The following IGSF21 variants were observed in gnomAD, a reference collection of about 807,000 sequenced individuals.
IGSF21 encodes the protein immunoglobulin superfamily member 21.
A neutral mutation model predicts 46.8 loss-of-function variants in IGSF21; 28 were observed. The ratio of observed to expected loss-of-function variants is 0.60; its 90% CI spans 0.44 to 0.82. The LOEUF is 0.82. Among genes scored for constraint, IGSF21 ranks in the 40% least tolerant of loss-of-function variants. IGSF21 has a pLI of 0.00. For synonymous variants in IGSF21, 284 were observed against 273.6 expected (o/e 1.04, Z -0.38); for missense variants, 624 against 665.5 (o/e 0.94, Z 0.69).
chr1:18,367,489 A>G (rs866644992), intron 6 of IGSF21, among the ~76,000 whole-genome samples: 4 of 151,682 alleles, frequency 2.6e-5, no homozygotes, highest in Admixed American at 6.6e-5. Context: ...TTCTTCACTC[A>G]CTACCATGCC....
At chr1:18,191,253 C>T (rs1301555981) in intron 1 of IGSF21, among the ~76,000 whole-genome samples, 1 of 152,106 alleles carries the variant, frequency 6.6e-6, no homozygotes, top group Non-Finnish European at 1.5e-5. Context: ...CCTCAAGTGT[C>T]CAATAGGAAT....
At chr1:18,169,314 A>G (rs995263249) in intron 1 of IGSF21, among the ~76,000 whole-genome samples, 20 of 152,270 alleles carry the variant, frequency 1.3e-4, no homozygotes, top group African/African-American at 4.3e-4. Context: ...GGAACTGGGA[A>G]GTGGGGCCCC....
At chr1:18,153,271 G>T (rs181602942) in intron 1 of IGSF21, among the ~76,000 whole-genome samples, 1 of 152,234 alleles carries the variant, frequency 6.6e-6, no homozygotes, top group Non-Finnish European at 1.5e-5. Context: ...GTTATAGATG[G>T]TTTTGTCCTC....
At chr1:18,240,110 T>C (rs984538100) in intron 2 of IGSF21, among the ~76,000 whole-genome samples, 1 of 152,028 alleles carries the variant, frequency 6.6e-6, no homozygotes, top group Non-Finnish European at 1.5e-5. Context: ...AAACCCCATC[T>C]CTATAAAAAC....
At chr1:18,277,386 C>A (rs981834240) in intron 2 of IGSF21, among the ~76,000 whole-genome samples, 1 of 152,172 alleles carries the variant, frequency 6.6e-6, no homozygotes, top group Non-Finnish European at 1.5e-5. Flanking sequence ...TCTGTGCCTG[C>A]GTGGGGCCTT....
intron 1 of IGSF21, among the ~76,000 whole-genome samples, chr1:18,225,129 A>ACACACACACACACAC (rs1491338920): frequency 1.7e-4 from 24 of 143,786 alleles, no homozygotes; most frequent in Non-Finnish European, 2.5e-4. Flanking sequence ...ACACACACAC[A>ACACACACACACACAC]AAGAAATCAT....
chr1:18,180,291 G>A (rs945764382), intron 1 of IGSF21, among the ~76,000 whole-genome samples: 2 of 152,190 alleles, frequency 1.3e-5, no homozygotes, highest in East Asian at 1.9e-4. Flanking sequence ...CTGCCATGCA[G>A]GGTGCTCAAA....
chr1:18,321,394 G>T (rs1034857607), intron 3 of IGSF21, among the ~76,000 whole-genome samples: 1 of 152,106 alleles, frequency 6.6e-6, no homozygotes, highest in Non-Finnish European at 1.5e-5. Flanking sequence ...CAGAAGCCTC[G>T]GCCTCTCTGT....
At chr1:18,210,130 C>T (rs2084374515) in intron 1 of IGSF21, among the ~76,000 whole-genome samples, 1 of 152,150 alleles carries the variant, frequency 6.6e-6, no homozygotes, top group Non-Finnish European at 1.5e-5. Flanking sequence ...TGATGTTTCT[C>T]TTGCTGGATG....
intron 1 of IGSF21, among the ~76,000 whole-genome samples, chr1:18,154,492 CT>C (rs2086550856): frequency 6.6e-6 from 1 of 152,086 alleles, no homozygotes; most frequent in Admixed American, 6.5e-5. Flanking sequence ...CCTGTCACCC[CT>C]GACCCTGTGC....
chr1:18,127,328 G>A (rs2086282440), intron 1 of IGSF21, among the ~76,000 whole-genome samples: 1 of 152,208 alleles, frequency 6.6e-6, no homozygotes, highest in Admixed American at 6.5e-5. Context: ...GGACTCGGGA[G>A]CAGAGCAGCT....
intron 2 of IGSF21, among the ~76,000 whole-genome samples, chr1:18,287,298 A>AG (rs1383159370): frequency 6.6e-6 from 1 of 152,080 alleles, no homozygotes; most frequent in Non-Finnish European, 1.5e-5. Context: ...TGGGAGGCTG[A>AG]GGCAGGAGAA....
At chr1:18,251,318 G>C (rs2084839306) in intron 2 of IGSF21, among the ~76,000 whole-genome samples, 1 of 152,160 alleles carries the variant, frequency 6.6e-6, no homozygotes, top group Non-Finnish European at 1.5e-5. Flanking sequence ...GAGTGTGCTA[G>C]TCAGGAGAGC....
At chr1:18,310,119 G>A (rs769410882) in intron 3 of IGSF21, among the ~76,000 whole-genome samples, 2 of 152,214 alleles carry the variant, frequency 1.3e-5, no homozygotes, top group Non-Finnish European at 2.9e-5. Context: ...CATGAAGGCT[G>A]ACAGAACCAA....
At position 18,228,055 on chromosome 1, in the gene IGSF21, G is replaced by C. The variant is rs374970359; in HGVS notation, c.183+45G>C. ...CCCTTCATGCCCATGGCCAGGACTG[G>C]TGTGAGGTCCTCAGAGCCCTCTGGA... On this transcript the variant is annotated intron_variant, in intron 2 of 9. Coordinates refer to ENST00000251296, the MANE Select transcript of IGSF21 (RefSeq NM_032880.5). 7.2e-5 allele frequency: 104 copies of C among 1,452,082 alleles called. No individual in the cohort carries two copies. In the African/African-American group the frequency reaches 1.4e-3, roughly 19 times the overall value. 89.9% of individuals were successfully genotyped at this position (1,452,082 alleles called of 1,614,324 possible). A position where few individuals can be genotyped will look rare whatever the true frequency, so the allele number is the denominator to read the frequency against.
At chr1:18,263,385 CA>C (rs1242545281) in intron 2 of IGSF21, among the ~76,000 whole-genome samples, 1 of 151,728 alleles carries the variant, frequency 6.6e-6, no homozygotes, top group Non-Finnish European at 1.5e-5. Context: ...GCCCCACCCC[CA>C]CCTCTACTAG....
At chr1:18,265,163 G>T (rs140343073) in intron 2 of IGSF21, among the ~76,000 whole-genome samples, 8 of 152,332 alleles carry the variant, frequency 5.3e-5, no homozygotes, top group Non-Finnish European at 1.0e-4. Context: ...AACCCAGCCT[G>T]GGTCGATGGG....
rs1017243314 is a variant in IGSF21, at chr1:18,297,499, C to T, written c.305+5512C>T. On this transcript the variant is annotated intron_variant, in intron 3 of 9. Coordinates refer to ENST00000251296, the MANE Select transcript of IGSF21 (RefSeq NM_032880.5). ...CTGATCTAGTGGGTGAGGAGAGACA[C>T]ACTACAAAAATGCCTTTAAAATAAT... Among the ~76,000 whole-genome samples, 3 of 152,166 alleles carry T rather than the reference C, an allele frequency of 2.0e-5. No homozygotes were observed. The East Asian group carries it at 5.8e-4, about 29-fold the overall frequency.
chr1:18,208,344 G>C lies in IGSF21; in HGVS notation c.71-19554G>C, dbSNP rs548341812. On this transcript the variant is annotated intron_variant, in intron 1 of 9. Transcript: ENST00000251296. Reference sequence around the variant, plus strand: ...AGGAAAATGCTGTCCAAAGGTTTCGGGTTTTGGGCAGTTCTCCTTCAGTTT... The same window carrying C: ...AGGAAAATGCTGTCCAAAGGTTTCGCGTTTTGGGCAGTTCTCCTTCAGTTT... Among the ~76,000 whole-genome samples, 562 of 132,122 alleles carry C rather than the reference G, an allele frequency of 4.3e-3. 3 individuals are homozygous for C. Among genetic ancestry groups the C allele is most frequent in the African/African-American group, 0.015 (533 of 36,416 alleles). The allele number at this position is 132,122 out of a possible 152,430, so 86.7% of individuals were successfully genotyped here. A position where few individuals can be genotyped will look rare whatever the true frequency, so the allele number is the denominator to read the frequency against.
Sources: gnomAD v4.1 joint callset for allele counts (sites outside exome capture counted in the v4.1 genomes callset) on GRCh38, gnomAD v4.1.1 for gene constraint, MANE v1.5 for transcripts, NCBI Gene and HGNC (gene_info 2026-07-23, HGNC 2026-07-21) for gene names.